The following PRELID2 variants were observed in gnomAD, a reference collection of about 807,000 sequenced individuals.
PRELID2 encodes PRELI domain containing 2, also known as PRELI domain-containing protein 2.
A neutral mutation model predicts 28.4 loss-of-function variants in PRELID2; 25 were observed. The ratio of observed to expected loss-of-function variants is 0.88; its 90% CI spans 0.64 to 1.23. PRELID2 has a LOEUF of 1.23. Ranked by LOEUF, PRELID2 falls within the 50% of genes most tolerant of loss-of-function variation. The probability of loss-of-function intolerance (pLI) is 0.00; values close to 1 mark genes in which losing one functional copy is unlikely to be tolerated. For synonymous variants in PRELID2, 76 were observed against 71.6 expected (o/e 1.06, Z -0.31); for missense variants, 201 against 214.4 (o/e 0.94, Z 0.39).
intron 1 of PRELID2, among the ~76,000 whole-genome samples, chr5:145,545,719 C>A (rs1752781047): frequency 6.6e-6 from 1 of 152,152 alleles, no homozygotes. Flanking sequence ...TTATTGCAGT[C>A]CAGCAGGCTC....
intron 1 of PRELID2, among the ~76,000 whole-genome samples, chr5:145,651,376 C>T (rs73313774): frequency 0.035 from 5,325 of 152,152 alleles, 142 homozygotes; most frequent in Non-Finnish European, 0.053. Flanking sequence ...CTGCAGACTT[C>T]AATGTCCTCG....
chr5:145,491,726 T>C (rs1239464218), intron 1 of PRELID2, among the ~76,000 whole-genome samples: 1 of 151,838 alleles, frequency 6.6e-6, no homozygotes, highest in Non-Finnish European at 1.5e-5. Context: ...CTGACCCTGG[T>C]AACCACTATT....
At chr5:145,372,902 T>C in the PRELID2 span, among the ~76,000 whole-genome samples, 1 of 65,916 alleles carries the variant, frequency 1.5e-5, no homozygotes, top group African/African-American at 4.9e-5. Flanking sequence ...TATTACAACA[T>C]ATATAATATA....
At chr5:145,537,980 G>T (rs1262018410) in intron 1 of PRELID2, among the ~76,000 whole-genome samples, 4 of 151,746 alleles carry the variant, frequency 2.6e-5, no homozygotes, top group African/African-American at 7.3e-5. Flanking sequence ...AGTTTTACAT[G>T]TAAGTTTTTA....
intron 1 of PRELID2, among the ~76,000 whole-genome samples, chr5:145,595,175 C>CATACACAA (rs749753479): frequency 1.3e-5 from 2 of 150,682 alleles, no homozygotes; most frequent in African/African-American, 4.9e-5. Flanking sequence ...CACACACACA[C>CATACACAA]ACACACACAC....
intron 1 of PRELID2, among the ~76,000 whole-genome samples, chr5:145,567,477 A>C (rs1178261153): frequency 6.6e-6 from 1 of 152,160 alleles, no homozygotes; most frequent in Non-Finnish European, 1.5e-5. Context: ...TCCTAGGTTC[A>C]AGTGATTCTC....
the PRELID2 span, among the ~76,000 whole-genome samples, chr5:145,350,392 A>T: frequency 6.6e-6 from 1 of 152,176 alleles, no homozygotes; most frequent in South Asian, 2.1e-4. Context: ...AGAAAGGCAC[A>T]GGGCTCCAAG....
At chr5:145,808,283 A>C (rs1173810903) in intron 4 of PRELID2, among the ~76,000 whole-genome samples, 2 of 152,166 alleles carry the variant, frequency 1.3e-5, no homozygotes, top group African/African-American at 2.4e-5. Flanking sequence ...TATGGAGGTC[A>C]ATCAAAAATG....
intron 1 of PRELID2, among the ~76,000 whole-genome samples, chr5:145,587,664 G>A (rs7712910): frequency 0.18 from 27,696 of 152,010 alleles, 4,270 homozygotes; most frequent in African/African-American, 0.41. Flanking sequence ...GCTATTCCTT[G>A]TGGGCTTCCA....
the PRELID2 span, among the ~76,000 whole-genome samples, chr5:145,276,666 G>T: frequency 1.3e-5 from 2 of 151,938 alleles, no homozygotes; most frequent in Non-Finnish European, 2.9e-5. Flanking sequence ...TCATCTAGTT[G>T]GTTCATTAAT....
At chr5:145,755,479 T>C (rs1190642481), downstream of PRELID2, among the ~76,000 whole-genome samples, 1 of 152,176 alleles carries the variant, frequency 6.6e-6, no homozygotes, top group Non-Finnish European at 1.5e-5. Context: ...TTTTGTTTTC[T>C]AATCTTAAAA....
intron 1 of PRELID2, among the ~76,000 whole-genome samples, chr5:145,566,857 AAGAG>A (rs1372913060): frequency 4.0e-5 from 6 of 149,760 alleles, no homozygotes; most frequent in Admixed American, 2.0e-4. Context: ...AAAAAAAAAA[AAGAG>A]AGAGCAAGAG....
rs142809123 is a variant in PRELID2 at position 145,516,640 on chromosome 5, T to C, written n.71-43325A>G. Among the ~76,000 whole-genome samples, 9 of 152,264 alleles carry C rather than the reference T, an allele frequency of 5.9e-5. No homozygotes were observed. In the East Asian group the frequency reaches 1.5e-3, roughly 26 times the overall value. On this transcript the variant is annotated intron_variant and non_coding_transcript_variant, in intron 1 of 2. Transcript: ENST00000510259. ...TTTACAGAGTAGAAAAAAACTACTT[T>C]AAATTTCATATGGAACCAAAAAAGA...
intron 1 of PRELID2, among the ~76,000 whole-genome samples, chr5:145,650,443 G>A (rs1440665746): frequency 1.3e-5 from 2 of 149,786 alleles, no homozygotes; most frequent in African/African-American, 4.9e-5. Context: ...CTCATCCAGA[G>A]TTTTGGTCAG....
intron 1 of PRELID2, among the ~76,000 whole-genome samples, chr5:145,550,669 T>A (rs1348643572): frequency 6.6e-6 from 1 of 152,032 alleles, no homozygotes; most frequent in South Asian, 2.1e-4. Context: ...TTTAATGACA[T>A]CAGAAATAAT....
chr5:145,579,049 C>T (rs1353194524), intron 1 of PRELID2, among the ~76,000 whole-genome samples: 1 of 151,972 alleles, frequency 6.6e-6, no homozygotes, highest in Non-Finnish European at 1.5e-5. Flanking sequence ...ATGAGTGATG[C>T]ATTTAATAAC....
At chr5:145,657,166 G>T (rs1754410262) in intron 1 of PRELID2, among the ~76,000 whole-genome samples, 1 of 152,140 alleles carries the variant, frequency 6.6e-6, no homozygotes, top group Non-Finnish European at 1.5e-5. Flanking sequence ...AATAATAATA[G>T]CTGATTCAAT....
chr5:145,677,068 G>GA (rs1333293194), intron 1 of PRELID2, among the ~76,000 whole-genome samples: 1 of 150,062 alleles, frequency 6.7e-6, no homozygotes, highest in Admixed American at 6.6e-5. Context: ...TGTAATATTT[G>GA]AAAAAAATTA....
At chr5:145,602,228 G>A (rs1008588161) in intron 1 of PRELID2, among the ~76,000 whole-genome samples, 8 of 152,098 alleles carry the variant, frequency 5.3e-5, no homozygotes, top group African/African-American at 1.9e-4. Flanking sequence ...ACCTCACAAA[G>A]GTAGAGAGAA....
Sources: gnomAD v4.1 joint callset for allele counts (sites outside exome capture counted in the v4.1 genomes callset) on GRCh38, gnomAD v4.1.1 for gene constraint, MANE v1.5 for transcripts, NCBI Gene and HGNC (gene_info 2026-07-23, HGNC 2026-07-21) for gene names.